The following PAX5 variants were observed in gnomAD, a reference collection of about 807,000 sequenced individuals.
PAX5 encodes paired box protein Pax-5.
Under a neutral mutation model 43.7 loss-of-function variants are expected in PAX5, and 9 were observed. That is an observed-to-expected ratio of 0.21 (90% CI 0.12 to 0.36). PAX5 has a LOEUF of 0.36. Ranked by LOEUF, PAX5 falls within the 10% of genes least tolerant of loss-of-function variation. PAX5 has a pLI of 1.00. For missense variants in PAX5, 383 were observed against 532.7 expected (o/e 0.72, Z 2.77); for synonymous variants, 228 against 214.3 (o/e 1.06, Z -0.56).
chr9:36,993,000 T>C (rs1316277947), intron 5 of PAX5, among the ~76,000 whole-genome samples: 2 of 152,230 alleles, frequency 1.3e-5, no homozygotes, highest in Admixed American at 1.3e-4. Flanking sequence ...ACATGTGCCA[T>C]AGTGGTTTGC....
At chr9:36,934,503 G>A (rs1831387241) in intron 6 of PAX5, among the ~76,000 whole-genome samples, 1 of 152,206 alleles carries the variant, frequency 6.6e-6, no homozygotes. Context: ...AGGGTGTATA[G>A]GAGTCCTCGG....
At chr9:36,883,782 A>G (rs1826671380) in intron 7 of PAX5, among the ~76,000 whole-genome samples, 1 of 151,884 alleles carries the variant, frequency 6.6e-6, no homozygotes, top group Admixed American at 6.6e-5. Flanking sequence ...TCAAGATTCA[A>G]AAAAAAAGCA....
At chr9:36,905,940 C>T (rs1828783035) in intron 7 of PAX5, among the ~76,000 whole-genome samples, 1 of 152,114 alleles carries the variant, frequency 6.6e-6, no homozygotes, top group African/African-American at 2.4e-5. Flanking sequence ...AGGGAGGGCA[C>T]AAATTATCTC....
Position 36,850,732 on chromosome 9 carries a change from C to A in PAX5, c.1013-3803G>T, listed in dbSNP as rs79802119. 6.3e-3 allele frequency among the ~76,000 whole-genome samples: 957 copies of A among 152,348 alleles called. 10 individuals carry two copies. Among genetic ancestry groups the A allele is most frequent in the African/African-American group, 0.022 (897 of 41,572 alleles). Reference sequence around the variant, plus strand: ...GTCCCTCAGTGGGCAGTGAGACCCGCCTCTGGGAGACACACAGCACATGGC... The same window carrying A: ...GTCCCTCAGTGGGCAGTGAGACCCGACTCTGGGAGACACACAGCACATGGC... On this transcript the variant is annotated intron_variant, in intron 8 of 9. Coordinates refer to ENST00000358127, the MANE Select transcript of PAX5 (RefSeq NM_016734.3).
rs114784609 is a variant in PAX5, at chr9:37,027,152, A to G, written c.47-6351T>C. Among the ~76,000 whole-genome samples the G allele has an allele frequency of 8.2e-3, 1,249 of 152,074 alleles. 12 individuals carry two copies. The highest frequency in any genetic ancestry group is 0.028 in the African/African-American group (1,164 of 41,478). On this transcript the variant is annotated intron_variant, in intron 1 of 9. Transcript: ENST00000358127. ...GACTTGCCCCCTCCGCCTCTCTCCA[A>G]CTGGCTCTCCGACGTCTCGGACGAA... is the stretch of plus-strand genomic sequence containing the variant.
chr9:36,871,667 A>G (rs1356574273), intron 8 of PAX5, among the ~76,000 whole-genome samples: 2 of 152,208 alleles, frequency 1.3e-5, no homozygotes, highest in African/African-American at 2.4e-5. Context: ...TCAGGATCCC[A>G]AACACATGTT....
At chr9:36,904,614 G>GA (rs912908030) in intron 7 of PAX5, among the ~76,000 whole-genome samples, 89 of 145,554 alleles carry the variant, frequency 6.1e-4, no homozygotes, top group African/African-American at 1.6e-3. Flanking sequence ...ACTTGGCCAA[G>GA]AAAAAAAAAA....
At chr9:36,989,748 A>T (rs1836769049) in intron 5 of PAX5, among the ~76,000 whole-genome samples, 5 of 152,176 alleles carry the variant, frequency 3.3e-5, no homozygotes, top group African/African-American at 1.2e-4. Context: ...GGAACGTTTG[A>T]CGTGCAAGGC....
intron 1 of PAX5, among the ~76,000 whole-genome samples, chr9:37,029,493 G>A (rs1172606845): frequency 1.3e-5 from 2 of 152,204 alleles, no homozygotes; most frequent in East Asian, 1.9e-4. Context: ...TCTCTTCTTT[G>A]TCTGGAACCC....
At chr9:36,949,502 T>G (rs1052577056) in intron 6 of PAX5, among the ~76,000 whole-genome samples, 5 of 152,226 alleles carry the variant, frequency 3.3e-5, no homozygotes, top group Admixed American at 2.0e-4. Context: ...TAATAACCAG[T>G]GTTCTCAAAG....
chr9:36,917,585 G>A (rs963139896), intron 7 of PAX5, among the ~76,000 whole-genome samples: 3 of 152,228 alleles, frequency 2.0e-5, no homozygotes, highest in African/African-American at 7.2e-5. Context: ...CTGGCCACCA[G>A]TTGACCATTT....
chr9:36,987,240 C>A (rs1365515051), intron 5 of PAX5, among the ~76,000 whole-genome samples: 1 of 152,238 alleles, frequency 6.6e-6, no homozygotes, highest in Non-Finnish European at 1.5e-5. Flanking sequence ...GCACCTCCCA[C>A]TGCCAAGAAC....
intron 7 of PAX5, among the ~76,000 whole-genome samples, chr9:36,908,059 C>T (rs1587936268): frequency 6.6e-6 from 1 of 152,012 alleles, no homozygotes; most frequent in East Asian, 1.9e-4. Context: ...AATTAGCCAG[C>T]ATAGTGGCGT....
At chr9:36,914,344 C>G (rs1408789301) in intron 7 of PAX5, among the ~76,000 whole-genome samples, 2 of 152,214 alleles carry the variant, frequency 1.3e-5, no homozygotes, top group Non-Finnish European at 2.9e-5. Context: ...TTACTTGGAA[C>G]TTTGCCAAGG....
chr9:36,918,122 T>A (rs1829864068), intron 7 of PAX5, among the ~76,000 whole-genome samples: 1 of 152,206 alleles, frequency 6.6e-6, no homozygotes, highest in Non-Finnish European at 1.5e-5. Flanking sequence ...CAATGGCCTC[T>A]ATGTGTTCAA....
chr9:36,983,715 C>A (rs1373767369), intron 5 of PAX5, among the ~76,000 whole-genome samples: 1 of 152,132 alleles, frequency 6.6e-6, no homozygotes, highest in East Asian at 1.9e-4. Context: ...CTCAAGGGAT[C>A]CACCCCTCTC....
At chr9:36,847,264 T>C (rs537890225) in intron 8 of PAX5, among the ~76,000 whole-genome samples, 2 of 152,286 alleles carry the variant, frequency 1.3e-5, no homozygotes, top group Admixed American at 1.3e-4. Flanking sequence ...GATGCCCAGG[T>C]CGTCTCACAA....
At chr9:37,027,569 T>A (rs1327378006) in intron 1 of PAX5, among the ~76,000 whole-genome samples, 1 of 152,222 alleles carries the variant, frequency 6.6e-6, no homozygotes, top group Non-Finnish European at 1.5e-5. Flanking sequence ...CTGCCGGGGC[T>A]GAGATGGAGC....
intron 9 of PAX5, among the ~76,000 whole-genome samples, chr9:36,844,764 C>A (rs1180301476): frequency 2.0e-5 from 3 of 151,928 alleles, no homozygotes; most frequent in African/African-American, 7.3e-5. Flanking sequence ...GTAGTCTAGT[C>A]CTGCCCTCCC....
Sources: gnomAD v4.1 joint callset for allele counts (sites outside exome capture counted in the v4.1 genomes callset) on GRCh38, gnomAD v4.1.1 for gene constraint, MANE v1.5 for transcripts, NCBI Gene and HGNC (gene_info 2026-07-23, HGNC 2026-07-21) for gene names.